RYR3: variants seen among roughly 807,000 people sequenced by gnomAD.
RYR3 encodes the protein brain ryanodine receptor-calcium release channel.
In RYR3, 207 loss-of-function variants were observed where a neutral mutation model predicts 584.3. That is an observed-to-expected ratio of 0.35 (90% confidence interval 0.32 to 0.40). The LOEUF is 0.40. Ranked by LOEUF, RYR3 falls within the 10% of genes least tolerant of loss-of-function variation. The pLI is 1.00. For missense variants in RYR3, 5,616 were observed against 6,089.2 expected (o/e 0.92, Z 2.59); for synonymous variants, 2,416 against 2,248.5 (o/e 1.07, Z -2.11).
At chr15:33,399,985 A>G (rs2042545655) in intron 1 of RYR3, among the ~76,000 whole-genome samples, 1 of 152,168 alleles carries the variant, frequency 6.6e-6, no homozygotes, top group African/African-American at 2.4e-5. Flanking sequence ...AGCTCAAGAA[A>G]TGGAATGTTA....
rs142524711 is a variant in RYR3 at position 33,513,609 on chromosome 15, C to A, written c.279+9871C>A. Among the ~76,000 whole-genome samples the A allele has an allele frequency of 1.4e-3, 207 of 152,304 alleles. 3 individuals carry two copies. In the East Asian group the frequency reaches 0.031, roughly 23 times the overall value. ...TTCTGCTTCCACCTAGAGTTTCCTG[C>A]TGTGGGTACTGCATGTACTTGGGCT... On this transcript the variant is annotated intron_variant, in intron 3 of 103. Coordinates refer to ENST00000634891, the MANE Select transcript of RYR3 (RefSeq NM_001036.6).
intron 19 of RYR3, among the ~76,000 whole-genome samples, chr15:33,622,620 T>C (rs2060784872): frequency 6.6e-6 from 1 of 152,252 alleles, no homozygotes; most frequent in African/African-American, 2.4e-5. Flanking sequence ...AAGTGCTAAT[T>C]GTATGGGCTC....
At chr15:33,726,965 A>G (rs2068513395) in intron 46 of RYR3, among the ~76,000 whole-genome samples, 1 of 152,250 alleles carries the variant, frequency 6.6e-6, no homozygotes, top group African/African-American at 2.4e-5. Context: ...TGTCAGGACA[A>G]TTGTACCCTG....
intron 16 of RYR3, among the ~76,000 whole-genome samples, chr15:33,595,831 AT>A (rs1040089189): frequency 9.2e-5 from 14 of 152,116 alleles, no homozygotes; most frequent in African/African-American, 3.1e-4. Context: ...TTAAAAAAAA[AT>A]TTATCTCAGT....
chr15:33,627,912 T>C (rs1448933045), intron 20 of RYR3, among the ~76,000 whole-genome samples: 1 of 152,040 alleles, frequency 6.6e-6, no homozygotes, highest in Admixed American at 6.5e-5. Flanking sequence ...CATGACTGAT[T>C]AGATGGGGGA....
At chr15:33,662,067 C>G (rs2063197205) in intron 34 of RYR3, 86 bp from the exon 35 acceptor site, 2 of 1,167,102 alleles carry the variant, frequency 1.7e-6, no homozygotes, top group East Asian at 5.1e-5. Context: ...TTCCACCCAC[C>G]CTGCCTTTGT....
At chr15:33,722,625 C>T in intron 43 of RYR3, 90 bp from the exon 44 acceptor site, 1 of 1,309,686 alleles carries the variant, frequency 7.6e-7, no homozygotes, top group South Asian at 1.2e-5. Flanking sequence ...ATAAGCTGAA[C>T]AAAATACTGT....
chr15:33,599,364 T>G (rs2059550583), intron 16 of RYR3, among the ~76,000 whole-genome samples: 1 of 152,152 alleles, frequency 6.6e-6, no homozygotes, highest in Non-Finnish European at 1.5e-5. Context: ...CCTCATTAAA[T>G]CCTGACGACA....
At chr15:33,562,568 CAGAAG>C (rs2152483717) in intron 10 of RYR3, among the ~76,000 whole-genome samples, 1 of 35,226 alleles carries the variant, frequency 2.8e-5, no homozygotes, top group African/African-American at 4.0e-4. Flanking sequence ...AAAATCAGAA[CAGAAG>C]AGAAGAGCTT....
chr15:33,692,555 A>G (rs1323651740), intron 38 of RYR3, among the ~76,000 whole-genome samples: 1 of 151,760 alleles, frequency 6.6e-6, no homozygotes, highest in East Asian at 1.9e-4. Flanking sequence ...CCATGGAATT[A>G]CATCTGCCTG....
At chr15:33,325,246 C>T (rs1299176267) in intron 1 of RYR3, among the ~76,000 whole-genome samples, 1 of 152,190 alleles carries the variant, frequency 6.6e-6, no homozygotes, top group Non-Finnish European at 1.5e-5. Context: ...CCAGTAACCA[C>T]TCTATAGGAC....
chr15:33,547,979 G>C (rs1032569277), intron 8 of RYR3, 151 bp from the exon 9 acceptor site: 5 of 633,918 alleles, frequency 7.9e-6, no homozygotes, highest in Admixed American at 3.0e-5. Flanking sequence ...CTGGGAAACT[G>C]TCTTCCCTCT....
intron 1 of RYR3, among the ~76,000 whole-genome samples, chr15:33,372,491 A>G (rs1242516475): frequency 2.0e-5 from 3 of 150,088 alleles, no homozygotes; most frequent in Non-Finnish European, 2.9e-5. Flanking sequence ...CACCCTCCCG[A>G]GTAGCTGGGA....
At chr15:33,601,091 T>A (rs1344909810) in intron 16 of RYR3, among the ~76,000 whole-genome samples, 3 of 152,138 alleles carry the variant, frequency 2.0e-5, no homozygotes, top group Non-Finnish European at 4.4e-5. Flanking sequence ...GATATTGTCT[T>A]AGACAGTCTG....
At chr15:33,788,174 T>C in intron 66 of RYR3, 44 bp from the exon 67 acceptor site, 1 of 1,608,656 alleles carries the variant, frequency 6.2e-7, no homozygotes, top group Non-Finnish European at 8.5e-7. Flanking sequence ...TTTCATCAAT[T>C]GCCATAATAC....
At chr15:33,858,138 C>T (rs534324871) in intron 99 of RYR3, 1 of 587,626 alleles carries the variant, frequency 1.7e-6, no homozygotes, top group East Asian at 2.9e-5. Flanking sequence ...ACATCTAAGC[C>T]CCGTGGAAAG....
At chr15:33,431,446 T>G (rs1043324284) in intron 1 of RYR3, among the ~76,000 whole-genome samples, 1 of 152,134 alleles carries the variant, frequency 6.6e-6, no homozygotes, top group Non-Finnish European at 1.5e-5. Context: ...TGGAAGGAGA[T>G]AAACCTAATT....
At chr15:33,388,095 T>A (rs1433707173) in intron 1 of RYR3, among the ~76,000 whole-genome samples, 1 of 152,108 alleles carries the variant, frequency 6.6e-6, no homozygotes, top group East Asian at 1.9e-4. Flanking sequence ...AAGAGAAACA[T>A]TTATGAATCT....
intron 18 of RYR3, among the ~76,000 whole-genome samples, chr15:33,611,986 A>G (rs1055239351): frequency 3.9e-5 from 6 of 152,190 alleles, no homozygotes; most frequent in African/African-American, 1.4e-4. Flanking sequence ...AATGGTGACC[A>G]TTTATAATGA....
Sources: gnomAD v4.1 joint callset for allele counts (sites outside exome capture counted in the v4.1 genomes callset) on GRCh38, gnomAD v4.1.1 for gene constraint, MANE v1.5 for transcripts, NCBI Gene and HGNC (gene_info 2026-07-23, HGNC 2026-07-21) for gene names.